IRS1: variants seen among roughly 807,000 people sequenced by gnomAD.
IRS1 encodes insulin receptor substrate 1.
In IRS1, 34 loss-of-function variants were observed where a neutral mutation model predicts 65.6. That is an observed-to-expected ratio of 0.52 (90% CI 0.39 to 0.69). The LOEUF is 0.69. IRS1 is among the 30% of genes least tolerant of loss of function. The probability of loss-of-function intolerance (pLI) is 0.00; values close to 1 mark genes in which losing one functional copy is unlikely to be tolerated. For missense variants in IRS1, 1,641 were observed against 1,720.2 expected (o/e 0.95, Z 0.81); for synonymous variants, 699 against 683.5 (o/e 1.02, Z -0.35).
chr2:226,771,899 C>T (rs1484718766), intron 1 of IRS1, among the ~76,000 whole-genome samples: 2 of 152,142 alleles, frequency 1.3e-5, no homozygotes, highest in Non-Finnish European at 2.9e-5. Flanking sequence ...ATATTTCAGC[C>T]ATTAATCCTG....
At chr2:226,791,074 C>T (rs1939584035) in intron 1 of IRS1, among the ~76,000 whole-genome samples, 1 of 152,138 alleles carries the variant, frequency 6.6e-6, no homozygotes, top group African/African-American at 2.4e-5. Flanking sequence ...CCCTCACAGC[C>T]CAGGAGGATG....
At chr2:226,756,500 T>A (rs1938804761) in intron 1 of IRS1, among the ~76,000 whole-genome samples, 1 of 152,178 alleles carries the variant, frequency 6.6e-6, no homozygotes, top group Admixed American at 6.5e-5. Flanking sequence ...AACTAACATA[T>A]TTTCCCTTTA....
chr2:226,776,762 C>T (rs186886164), intron 1 of IRS1, among the ~76,000 whole-genome samples: 1 of 152,126 alleles, frequency 6.6e-6, no homozygotes, highest in Non-Finnish European at 1.5e-5. Context: ...CAAAAATTAG[C>T]CTGGCATGGT....
At chr2:226,773,633 A>C (rs1939205108) in intron 1 of IRS1, among the ~76,000 whole-genome samples, 1 of 152,132 alleles carries the variant, frequency 6.6e-6, no homozygotes, top group South Asian at 2.1e-4. Flanking sequence ...AGTTAAAAAA[A>C]AAAAAGAATG....
intron 1 of IRS1, among the ~76,000 whole-genome samples, chr2:226,792,783 G>A (rs1939635902): frequency 6.6e-6 from 1 of 152,028 alleles, no homozygotes; most frequent in Non-Finnish European, 1.5e-5. Context: ...ATTCGGAGCA[G>A]AAGCTGTTTG....
At chr2:226,739,445 T>C (rs536018450) in intron 1 of IRS1, among the ~76,000 whole-genome samples, 2 of 152,218 alleles carry the variant, frequency 1.3e-5, no homozygotes, top group Non-Finnish European at 2.9e-5. Context: ...CTTGGGCATA[T>C]TCTTTTGAAT....
chr2:226,783,182 C>A (rs1022379008), intron 1 of IRS1, among the ~76,000 whole-genome samples: 5 of 152,180 alleles, frequency 3.3e-5, no homozygotes, highest in African/African-American at 1.2e-4. Context: ...CTTCACTCAA[C>A]TAATAAGAGG....
chr2:226,768,568 C>T (rs1381648755), intron 1 of IRS1, among the ~76,000 whole-genome samples: 6 of 152,178 alleles, frequency 3.9e-5, no homozygotes, highest in Admixed American at 3.9e-4. Context: ...ATTGTACCAA[C>T]AGCAGCTTAG....
intron 1 of IRS1, among the ~76,000 whole-genome samples, chr2:226,767,026 A>T (rs1228454208): frequency 6.6e-6 from 1 of 152,230 alleles, no homozygotes; most frequent in African/African-American, 2.4e-5. Flanking sequence ...AGTTAAAAAA[A>T]AAAAAGGCAA....
rs1939040644 is a variant in IRS1, at chr2:226,766,157, A to ATTTTTT, written c.*21+28831_*21+28832insAAAAAA. Among the ~76,000 whole-genome samples the ATTTTTT allele has an allele frequency of 1.2e-3, 7 of 5,774 alleles. 1 individual carries two copies. The highest frequency in any genetic ancestry group is 1.6e-3 in the Non-Finnish European group (4 of 2,518). The allele number at this position is 5,774 out of a possible 152,430, so 3.8% of individuals were successfully genotyped here. The stretch of plus-strand genomic sequence containing the variant: ...TATATATATATATATATATATATAT[A>ATTTTTT]TATATATTTTTTTTTTTTTTTTTTG... On this transcript the variant is annotated intron_variant, in intron 1 of 1. Coordinates refer to ENST00000305123, the MANE Select transcript of IRS1 (RefSeq NM_005544.3).
intron 1 of IRS1, among the ~76,000 whole-genome samples, chr2:226,757,559 G>A (rs1179674047): frequency 6.6e-6 from 1 of 152,168 alleles, no homozygotes; most frequent in Non-Finnish European, 1.5e-5. Flanking sequence ...AGGTTGCAGT[G>A]AGCCAAGGAA....
chr2:226,796,679 TTGCTGCTGC>T lies in IRS1; in HGVS notation c.2051_2059del (p.Ser684_Ser686del), dbSNP rs138975702. ...ATAGCTGGTCCCGGAAGGGACGGCGTTGCTGCTGCTGCTGCTGCTGCTGGGGCCACCTCC... is the reference window on the plus strand; with the variant it reads ...ATAGCTGGTCCCGGAAGGGACGGCGTTGCTGCTGCTGCTGGGGCCACCTCC... On this transcript the variant is annotated inframe_deletion, in exon 1 of 2. Coordinates refer to ENST00000305123, the MANE Select transcript of IRS1 (RefSeq NM_005544.3). The T allele has an allele frequency of 3.7e-6, 6 of 1,610,520 alleles. No individual in the cohort carries two copies. The highest frequency in any genetic ancestry group is 1.7e-4 in the Middle Eastern group (1 of 6,048).
At chr2:226,781,059 A>G (rs1257859067) in intron 1 of IRS1, among the ~76,000 whole-genome samples, 1 of 152,202 alleles carries the variant, frequency 6.6e-6, no homozygotes, top group Non-Finnish European at 1.5e-5. Flanking sequence ...AAAACCAGTA[A>G]CTGAAGCAAG....
intron 1 of IRS1, among the ~76,000 whole-genome samples, chr2:226,736,982 T>C (rs1239672902): frequency 6.6e-6 from 1 of 152,024 alleles, no homozygotes; most frequent in Non-Finnish European, 1.5e-5. Context: ...AGGGTACACA[T>C]GCACATTGTG....
At position 226,786,012 on chromosome 2, in the gene IRS1, C is replaced by T. The variant is rs562389323; in HGVS notation, c.*21+8977G>A. Among the ~76,000 whole-genome samples, 26 of 149,068 alleles carry T rather than the reference C, an allele frequency of 1.7e-4. No homozygotes were observed. In the South Asian group the frequency reaches 1.8e-3, roughly 10 times the overall value. On this transcript the variant is annotated intron_variant, in intron 1 of 1. Transcript: ENST00000305123. Reference sequence around the variant, plus strand: ...TGCGGTGTTTGGTTTTTTGTCCTTGCGATAGTTTGCTGAGAATGATGATTT... The same window carrying T: ...TGCGGTGTTTGGTTTTTTGTCCTTGTGATAGTTTGCTGAGAATGATGATTT...
chr2:226,796,509 T>A lies in IRS1; in HGVS notation c.2230A>T (p.Ser744Cys), dbSNP rs1375857891. 3 of 1,613,988 alleles carry A rather than the reference T, an allele frequency of 1.9e-6. No homozygotes were observed. The highest frequency in any genetic ancestry group is 2.5e-6 in the Non-Finnish European group (3 of 1,180,020). The change falls in exon 1 of 2, where the codon AGC (serine) becomes TGC (cysteine). Residue 744 changes from serine (S) to cysteine (C), a missense_variant. Ser to Cys is a moderately radical substitution (Grantham distance 112, BLOSUM62 -1). This residue lies in a region of IRS1 where 1,324 missense variants were observed against 1,361.0 expected (regional missense o/e 0.97). Coordinates refer to ENST00000305123, the MANE Select transcript of IRS1 (RefSeq NM_005544.3). ...NMSPVGDSNT[S>C]SPSDCYYGPE... The stretch of plus-strand genomic sequence containing the variant: ...CCGTAGTAGCAGTCGGAGGGGCTGC[T>A]GGTGTTGGAGTCCCCCACTGGTGAC...
chr2:226,764,890 G>A (rs1053406999), intron 1 of IRS1, among the ~76,000 whole-genome samples: 4 of 152,190 alleles, frequency 2.6e-5, no homozygotes, highest in African/African-American at 9.7e-5. Context: ...AAAGACAACA[G>A]TGTACATGTA....
At position 226,732,453 on chromosome 2, in the gene IRS1, C is replaced by T. The variant is rs941116122; in HGVS notation, c.*3819G>A. ...GCATGCTTCTTCCTCTCAAGTTTCTCACAAGCCTATACATCTATATATATA... is the reference window on the plus strand; with the variant it reads ...GCATGCTTCTTCCTCTCAAGTTTCTTACAAGCCTATACATCTATATATATA... On this transcript the variant is annotated 3_prime_UTR_variant, in exon 2 of 2. Coordinates refer to ENST00000305123, the MANE Select transcript of IRS1 (RefSeq NM_005544.3). 5.4e-5 allele frequency: 8 copies of T among 148,886 alleles called. No homozygotes were observed. The East Asian group carries it at 5.9e-4, about 11-fold the overall frequency. 9.2% of individuals were successfully genotyped at this position (148,886 alleles called of 1,614,324 possible).
chr2:226,780,175 G>A (rs1396695586), intron 1 of IRS1, among the ~76,000 whole-genome samples: 3 of 152,064 alleles, frequency 2.0e-5, no homozygotes, highest in East Asian at 1.9e-4. Flanking sequence ...GGCGAAACAC[G>A]AGATCAGGAG....
Sources: gnomAD v4.1 joint callset for allele counts (sites outside exome capture counted in the v4.1 genomes callset) on GRCh38, gnomAD v4.1.1 for gene constraint, gnomAD v4.1.1 regional missense constraint, MANE v1.5 for transcripts, NCBI Gene and HGNC (gene_info 2026-07-23, HGNC 2026-07-21) for gene names.